The following MTUS2 variants were observed in gnomAD, a reference collection of about 807,000 sequenced individuals.
MTUS2 encodes the protein microtubule-associated tumor suppressor candidate 2.
Under a neutral mutation model 114.1 loss-of-function variants are expected in MTUS2, and 40 were observed. The ratio of observed to expected loss-of-function variants is 0.35; its 90% confidence interval spans 0.27 to 0.46. The LOEUF (loss-of-function observed/expected upper bound fraction) is 0.46. Among genes scored for constraint, MTUS2 ranks in the 20% least tolerant of loss-of-function variants. The pLI is 1.00. For missense variants in MTUS2, 1,679 were observed against 1,705.4 expected, an observed-to-expected ratio of 0.98 and a Z score of 0.27; for synonymous variants, 688 against 672.0, an observed-to-expected ratio of 1.02 and a Z score of -0.37.
At chr13:29,286,701 A>ATCTATCTAT (rs1207838990) in intron 6 of MTUS2, among the ~76,000 whole-genome samples, 1 of 44,904 alleles carries the variant, frequency 2.2e-5, no homozygotes, top group African/African-American at 1.1e-4. Flanking sequence ...TATCTATCTT[A>ATCTATCTAT]CTTATTTGAG....
At chr13:29,441,738 A>G (rs1593447684) in intron 9 of MTUS2, among the ~76,000 whole-genome samples, 1 of 152,104 alleles carries the variant, frequency 6.6e-6, no homozygotes, top group Non-Finnish European at 1.5e-5. Context: ...CATGGGTCCC[A>G]TGTGATTGGC....
rs144336495 is a variant in MTUS2, at chr13:29,318,332, C to T, written c.2807-6281C>T. ...AGCATTCTCTTAAATCTTGTTTTCCCATTGAGATGTGCTCAGTGAGGATCC... is the reference window on the plus strand; with the variant it reads ...AGCATTCTCTTAAATCTTGTTTTCCTATTGAGATGTGCTCAGTGAGGATCC... On this transcript the variant is annotated intron_variant, in intron 6 of 15. Transcript: ENST00000612955. Among the ~76,000 whole-genome samples, 271 of 149,332 alleles carry T rather than the reference C, an allele frequency of 1.8e-3. 3 individuals carry two copies. The highest frequency in any genetic ancestry group is 0.018 in the Admixed American group (261 of 14,914).
At chr13:28,959,253 C>T (rs548685341) in intron 2 of MTUS2, among the ~76,000 whole-genome samples, 32 of 152,356 alleles carry the variant, frequency 2.1e-4, no homozygotes, top group African/African-American at 7.5e-4. Context: ...AAAAAGTGTG[C>T]CGCCACTTCC....
At chr13:29,075,793 T>G (rs1433335908) in intron 4 of MTUS2, among the ~76,000 whole-genome samples, 1 of 152,224 alleles carries the variant, frequency 6.6e-6, no homozygotes, top group African/African-American at 2.4e-5. Context: ...TGTTAGTGTC[T>G]GAACAGGATC....
At chr13:29,208,455 T>C (rs1463208592) in intron 5 of MTUS2, among the ~76,000 whole-genome samples, 1 of 152,108 alleles carries the variant, frequency 6.6e-6, no homozygotes, top group Admixed American at 6.5e-5. Context: ...TTGTTATTTC[T>C]TTTCTTCTGC....
At chr13:28,946,540 A>G (rs73161889) in intron 2 of MTUS2, among the ~76,000 whole-genome samples, 4,822 of 152,308 alleles carry the variant, frequency 0.032, 109 homozygotes, top group Non-Finnish European at 0.053. Flanking sequence ...ACTATTATGT[A>G]ACATCATCCT....
chr13:29,374,240 TTCCAGAGA>T (rs1440126041), intron 8 of MTUS2, among the ~76,000 whole-genome samples: 1 of 152,160 alleles, frequency 6.6e-6, no homozygotes, highest in African/African-American at 2.4e-5. Context: ...GTAATAGGCG[TTCCAGAGA>T]GAAGAAAGAA....
intron 2 of MTUS2, among the ~76,000 whole-genome samples, chr13:28,947,586 A>G (rs1882599159): frequency 6.6e-6 from 1 of 152,168 alleles, no homozygotes; most frequent in Non-Finnish European, 1.5e-5. Flanking sequence ...AACAAATTAT[A>G]AGCGAGCTCC....
Position 29,137,068 on chromosome 13 carries a change from G to T in MTUS2, c.2644+36098G>T, listed in dbSNP as rs571632119. 6.6e-5 allele frequency among the ~76,000 whole-genome samples: 10 copies of T among 152,334 alleles called. No individual in the cohort carries two copies. The South Asian group carries it at 2.1e-3, about 32-fold the overall frequency. On this transcript the variant is annotated intron_variant, in intron 5 of 15. Transcript: ENST00000612955. ...GAGATGAAATATTCTGTGTTGTGTA[G>T]ACTGTGAGTGGTTAAGCAGAGGAAA... is the stretch of plus-strand genomic sequence containing the variant.
chr13:28,996,379 C>A (rs1467143565), intron 2 of MTUS2, among the ~76,000 whole-genome samples: 3 of 152,102 alleles, frequency 2.0e-5, no homozygotes, highest in African/African-American at 7.2e-5. Flanking sequence ...TGTGTCTCTG[C>A]CAGGCTTTGG....
intron 8 of MTUS2, among the ~76,000 whole-genome samples, chr13:29,362,455 A>G: frequency 6.6e-6 from 1 of 152,158 alleles, no homozygotes; most frequent in East Asian, 1.9e-4. Flanking sequence ...ATTTAAGAAA[A>G]TAATTTTCAG....
At chr13:28,936,901 CTTGGG>C (rs1450829553) in intron 2 of MTUS2, among the ~76,000 whole-genome samples, 3 of 152,166 alleles carry the variant, frequency 2.0e-5, no homozygotes, top group African/African-American at 7.2e-5. Context: ...GCTTCTGCTA[CTTGGG>C]AGTTCCGGTT....
intron 9 of MTUS2, among the ~76,000 whole-genome samples, chr13:29,449,802 A>C (rs919010453): frequency 2.0e-5 from 3 of 152,246 alleles, no homozygotes; most frequent in African/African-American, 7.2e-5. Flanking sequence ...AACATGGATT[A>C]TAACACAGTG....
chr13:28,894,950 C>T (rs1879176896), intron 2 of MTUS2, among the ~76,000 whole-genome samples: 2 of 152,068 alleles, frequency 1.3e-5, no homozygotes, highest in South Asian at 4.1e-4. Context: ...TTTTGGGGAC[C>T]ACAGTAGCAA....
chr13:29,119,978 A>G (rs1891239659), intron 5 of MTUS2, among the ~76,000 whole-genome samples: 1 of 152,238 alleles, frequency 6.6e-6, no homozygotes, highest in Admixed American at 6.5e-5. Flanking sequence ...TTCAATTGCA[A>G]AATGGGCATA....
chr13:29,402,043 A>G (rs1211927840), intron 8 of MTUS2, among the ~76,000 whole-genome samples: 2 of 152,196 alleles, frequency 1.3e-5, no homozygotes, highest in Non-Finnish European at 2.9e-5. Flanking sequence ...ACTTATATAC[A>G]TAATATATAT....
chr13:29,026,520 A>G lies in MTUS2; in HGVS notation c.1822A>G (p.Thr608Ala), dbSNP rs549604691. The G allele has an allele frequency of 3.1e-6, 5 of 1,613,922 alleles. No individual in the cohort carries two copies. The highest frequency in any genetic ancestry group is 3.4e-6 in the Non-Finnish European group (4 of 1,179,868). Residue 608 changes from threonine to alanine, a missense_variant, in exon 3 of 16, where the codon ACA becomes GCA. Coordinates refer to ENST00000612955, the MANE Select transcript of MTUS2 (RefSeq NM_001033602.4). ...GCCTGTCTTCACACATTCCAAGGAC[A>G]CACCTTCCTCGCAGGAGGGAATGGA... Reference protein sequence around the residue: ...PKPVFTHSKDTPSSQEGMENY... With the variant: ...PKPVFTHSKDAPSSQEGMENY...
At chr13:29,280,970 A>G (rs1360727977) in intron 5 of MTUS2, among the ~76,000 whole-genome samples, 12 of 152,238 alleles carry the variant, frequency 7.9e-5, no homozygotes, top group Admixed American at 7.2e-4. Flanking sequence ...CCAGTATGCC[A>G]TATCTTCAGA....
intron 5 of MTUS2, among the ~76,000 whole-genome samples, chr13:29,202,998 T>C (rs998997800): frequency 2.0e-5 from 3 of 152,206 alleles, no homozygotes; most frequent in African/African-American, 7.2e-5. Flanking sequence ...AGGGACCCCC[T>C]GAGGAAGCAG....
Sources: allele counts gnomAD v4.1 joint callset (sites outside exome capture counted in the v4.1 genomes callset), GRCh38; gene constraint gnomAD v4.1.1; transcripts MANE v1.5; gene names NCBI Gene and HGNC (gene_info 2026-07-23, HGNC 2026-07-21).